Variants in SUN1 observed in about 807,000 individuals in gnomAD.
SUN1 encodes Sad1 and UNC84 domain containing 1.
In SUN1, 61 loss-of-function variants were observed where a neutral mutation model predicts 103.2. That is an observed-to-expected ratio of 0.59 (90% confidence interval 0.48 to 0.73). SUN1 has a LOEUF of 0.73. SUN1 is among the 30% of genes least tolerant of loss of function. SUN1 has a pLI of 0.00. For missense variants in SUN1, 1,052 were observed against 1,034.6 expected, an observed-to-expected ratio of 1.02 and a Z score of -0.23; for synonymous variants, 490 against 425.7, an observed-to-expected ratio of 1.15 and a Z score of -1.86.
Position 858,027 on chromosome 7 carries a change from G to A in SUN1, c.1524+70G>A. ...AAAGAAAACTTGAATTGATGACTTA[G>A]GTTTATTAGCTGTTTAATTTTTTAT... is the stretch of plus-strand genomic sequence containing the variant. On this transcript the variant is annotated intron_variant, in intron 13 of 18. Transcript: ENST00000401592. The A allele has an allele frequency of 2.1e-6, 3 of 1,459,104 alleles. No individual in the cohort carries two copies. In the South Asian group the frequency reaches 4.3e-5, roughly 21 times the overall value. The allele number at this position is 1,459,104 out of a possible 1,614,324, so 90.4% of individuals were successfully genotyped here. A position where few individuals can be genotyped will look rare whatever the true frequency, so the allele number is the denominator to read the frequency against.
chr7:817,359 C>T, intron 1 of SUN1: 2 of 1,493,238 alleles, frequency 1.3e-6, no homozygotes, highest in Non-Finnish European at 1.8e-6. Flanking sequence ...TGGAGGCGCG[C>T]GCGTGGTCTC....
At chr7:852,745 C>T (rs1030099284) in intron 8 of SUN1, 65 bp from the exon 9 acceptor site, 92 of 1,612,648 alleles carry the variant, frequency 5.7e-5, no homozygotes, top group Middle Eastern at 4.9e-4. Flanking sequence ...AAAAAATGAG[C>T]GTGTAAGTCC....
intron 16 of SUN1, among the ~76,000 whole-genome samples, chr7:867,458 C>A (rs1837924969): frequency 6.6e-6 from 1 of 152,230 alleles, no homozygotes; most frequent in African/African-American, 2.4e-5. Context: ...GCTTGGTGAT[C>A]CTGACCCTCC....
chr7:833,967 A>G (rs1800397061), intron 1 of SUN1, among the ~76,000 whole-genome samples: 1 of 152,188 alleles, frequency 6.6e-6, no homozygotes. Flanking sequence ...ACTTAATTTC[A>G]CTGAAATTCA....
At chr7:841,626 A>C (rs1325795613) in intron 2 of SUN1, among the ~76,000 whole-genome samples, 1 of 152,208 alleles carries the variant, frequency 6.6e-6, no homozygotes, top group African/African-American at 2.4e-5. Context: ...GGAGGATTAA[A>C]TTTATAAATC....
At chr7:848,706 G>C (rs972516435) in intron 5 of SUN1, 4 of 872,770 alleles carry the variant, frequency 4.6e-6, no homozygotes, top group Non-Finnish European at 6.3e-6. Flanking sequence ...CGCCTCCCTC[G>C]CTGCCTCCTC....
intron 1 of SUN1, among the ~76,000 whole-genome samples, chr7:819,542 C>T (rs1448736435): frequency 2.0e-5 from 3 of 152,002 alleles, no homozygotes; most frequent in Admixed American, 6.6e-5. Context: ...GTTCTGACTT[C>T]GTTCTTTTGC....
chr7:817,616 T>C, intron 1 of SUN1: 1 of 1,262,400 alleles, frequency 7.9e-7, no homozygotes, highest in Non-Finnish European at 1.1e-6. Context: ...TCAGTCATAG[T>C]ATTGCCCATG....
chr7:822,451 G>C (rs771228167), intron 1 of SUN1, among the ~76,000 whole-genome samples: 1 of 152,230 alleles, frequency 6.6e-6, no homozygotes, highest in Non-Finnish European at 1.5e-5. Context: ...ACATCCAGGT[G>C]CCGGGTTCCC....
intron 5 of SUN1, among the ~76,000 whole-genome samples, chr7:849,256 G>T (rs967134061): frequency 2.0e-5 from 3 of 152,220 alleles, no homozygotes; most frequent in African/African-American, 7.2e-5. Flanking sequence ...GCCCAACCCA[G>T]AACTATTTTA....
chr7:848,524 C>G (rs760617370), intron 5 of SUN1: 14 of 1,363,354 alleles, frequency 1.0e-5, no homozygotes, highest in Non-Finnish European at 1.4e-5. Flanking sequence ...TAATGAAGCT[C>G]AGTTATGAAT....
rs1415598523 is a variant in SUN1, at chr7:874,486, C to T, written c.*1155C>T. The T allele has an allele frequency of 1.3e-5, 2 of 152,524 alleles. No individual in the cohort carries two copies. The highest frequency in any genetic ancestry group is 2.1e-4 in the South Asian group (1 of 4,816). The allele number at this position is 152,524 out of a possible 1,614,324, so 9.4% of individuals were successfully genotyped here. On this transcript the variant is annotated 3_prime_UTR_variant, in exon 19 of 19. Coordinates refer to ENST00000401592, the MANE Select transcript of SUN1 (RefSeq NM_001130965.3). ...TGGGTTAAGACAGTTTTCAGTGTAC[C>T]GTAAATGTTGTGTTTTCAGAAAAAG...
chr7:843,655 C>G (rs1289389630), intron 5 of SUN1, 135 bp downstream of exon 5: 4 of 1,540,600 alleles, frequency 2.6e-6, no homozygotes, highest in Non-Finnish European at 3.5e-6. Flanking sequence ...GAAGTACACC[C>G]CAAACCAGCT....
At chr7:843,154 TA>T in intron 3 of SUN1, 51 bp from the exon 4 acceptor site, 1 of 1,597,486 alleles carries the variant, frequency 6.3e-7, no homozygotes, top group Non-Finnish European at 8.5e-7. Flanking sequence ...TCTTATTTGA[TA>T]AGCTGAGCTC....
chr7:819,917 T>C (rs1784432818), intron 1 of SUN1, among the ~76,000 whole-genome samples: 1 of 152,096 alleles, frequency 6.6e-6, no homozygotes, highest in South Asian at 2.1e-4. Flanking sequence ...CCTTGTTGGC[T>C]GGCTGGCCTT....
chr7:831,935 CT>C (rs1415585334), upstream of SUN1: 23 of 601,492 alleles, frequency 3.8e-5, no homozygotes, highest in African/African-American at 4.0e-5. Context: ...ATACTCAACA[CT>C]TTCTAACCTA....
intron 9 of SUN1, 105 bp from the exon 10 acceptor site, chr7:853,304 G>T: frequency 1.5e-6 from 2 of 1,306,212 alleles, no homozygotes; most frequent in Admixed American, 3.6e-5. Context: ...TGTGCCGTGC[G>T]CCCCAGAGCT....
At chr7:840,390 G>A (rs1454207341) in intron 2 of SUN1, among the ~76,000 whole-genome samples, 5 of 152,228 alleles carry the variant, frequency 3.3e-5, no homozygotes, top group African/African-American at 4.8e-5. Flanking sequence ...TGGAGAGCAA[G>A]TGTGCTGCAG....
At chr7:842,267 G>C (rs1368688866) in intron 3 of SUN1, 137 bp downstream of exon 3, 21 of 962,258 alleles carry the variant, frequency 2.2e-5, no homozygotes, top group Non-Finnish European at 3.2e-5. Context: ...TGGCCACATT[G>C]TGGGTTTGCT....
Sources: allele counts gnomAD v4.1 joint callset (sites outside exome capture counted in the v4.1 genomes callset), GRCh38; gene constraint gnomAD v4.1.1; transcripts MANE v1.5; gene names NCBI Gene and HGNC (gene_info 2026-07-23, HGNC 2026-07-21).